The following MCTP1 variants were observed in gnomAD, a reference collection of about 807,000 sequenced individuals.
MCTP1 encodes the protein multiple C2 and transmembrane domain-containing protein 1.
A neutral mutation model predicts 120.6 loss-of-function variants in MCTP1; 69 were observed. That is an observed-to-expected ratio of 0.57 (90% confidence interval 0.47 to 0.70). The LOEUF is 0.70. Ranked by LOEUF, MCTP1 falls within the 30% of genes least tolerant of loss-of-function variation. The pLI is 0.00. For synonymous variants in MCTP1, 529 were observed against 493.1 expected, an observed-to-expected ratio of 1.07 and a Z score of -0.96; for missense variants, 1,203 against 1,248.8, an observed-to-expected ratio of 0.96 and a Z score of 0.55.
intron 19 of MCTP1, among the ~76,000 whole-genome samples, chr5:94,755,021 C>T (rs1199786016): frequency 1.3e-5 from 2 of 152,180 alleles, no homozygotes; most frequent in African/African-American, 4.8e-5. Context: ...TCATGCAGCC[C>T]CAGGGAGGCC....
intron 17 of MCTP1, among the ~76,000 whole-genome samples, chr5:94,841,121 G>A (rs1246334466): frequency 4.6e-5 from 7 of 152,194 alleles, no homozygotes; most frequent in South Asian, 2.1e-4. Context: ...TAAAGGTGAC[G>A]AGTAGGTGTG....
At chr5:94,809,163 G>A (rs1178401837) in intron 17 of MCTP1, among the ~76,000 whole-genome samples, 2 of 151,958 alleles carry the variant, frequency 1.3e-5, no homozygotes, top group Non-Finnish European at 2.9e-5. Context: ...ACTAATCATA[G>A]CATAATGCAC....
At chr5:94,867,275 C>G (rs555148139) in intron 17 of MCTP1, 1 of 1,526,472 alleles carries the variant, frequency 6.6e-7, no homozygotes, top group Admixed American at 2.0e-5. Flanking sequence ...GACAACAACA[C>G]GTCTATGGGA....
chr5:94,917,824 T>G, intron 8 of MCTP1, 72 bp downstream of exon 8: 1 of 1,197,474 alleles, frequency 8.4e-7, no homozygotes, highest in Middle Eastern at 1.9e-4. Context: ...TTCAGTACAG[T>G]AAGTTGGCTC....
intron 2 of MCTP1, among the ~76,000 whole-genome samples, chr5:94,968,933 ATTTTG>A (rs1826182417): frequency 6.6e-6 from 1 of 152,186 alleles, no homozygotes; most frequent in African/African-American, 2.4e-5. Flanking sequence ...TAAAATTCAG[ATTTTG>A]TTATTAATGT....
At chr5:95,019,482 G>C (rs1837784215) in intron 1 of MCTP1, among the ~76,000 whole-genome samples, 1 of 151,840 alleles carries the variant, frequency 6.6e-6, no homozygotes, top group Non-Finnish European at 1.5e-5. Context: ...TTTTTTCCCA[G>C]TGTAGGAATA....
At chr5:94,995,024 A>G (rs1016889484) in intron 2 of MCTP1, among the ~76,000 whole-genome samples, 5 of 152,194 alleles carry the variant, frequency 3.3e-5, no homozygotes, top group Non-Finnish European at 5.9e-5. Context: ...TGGGACTAGG[A>G]CTGGCTTCCT....
At chr5:94,830,529 A>C (rs1210560643) in intron 17 of MCTP1, among the ~76,000 whole-genome samples, 1 of 152,222 alleles carries the variant, frequency 6.6e-6, no homozygotes, top group Non-Finnish European at 1.5e-5. Context: ...CTATCAATTT[A>C]CCAGCTGGAA....
In MCTP1 at chr5:95,058,466, G is replaced by A. The variant is rs529616091; in HGVS notation, c.721-40982C>T. The stretch of plus-strand genomic sequence containing the variant: ...CCTGGGTCTGTACCACACACCTTAC[G>A]ACCTTTGGCAACTCAATCTTTCTGG... On this transcript the variant is annotated intron_variant, in intron 1 of 22. Transcript: ENST00000515393. Among the ~76,000 whole-genome samples, 24 of 152,280 alleles carry A rather than the reference G, an allele frequency of 1.6e-4. 1 individual carries two copies. Among genetic ancestry groups the A allele is most frequent in the African/African-American group, 5.8e-4 (24 of 41,550 alleles).
chr5:94,721,977 T>C (rs987084774), intron 19 of MCTP1, among the ~76,000 whole-genome samples: 1 of 152,026 alleles, frequency 6.6e-6, no homozygotes, highest in African/African-American at 2.4e-5. Context: ...AATGATTCTA[T>C]ACAATATTTC....
chr5:94,793,809 A>G (rs755895056), intron 18 of MCTP1, among the ~76,000 whole-genome samples: 2 of 152,218 alleles, frequency 1.3e-5, no homozygotes, highest in Non-Finnish European at 2.9e-5. Flanking sequence ...TGCTTGATTT[A>G]TAGGAGTTCA....
intron 20 of MCTP1, among the ~76,000 whole-genome samples, chr5:94,713,521 G>T (rs1276021766): frequency 6.6e-6 from 1 of 152,162 alleles, no homozygotes; most frequent in African/African-American, 2.4e-5. Context: ...AGCACACTGT[G>T]TACCCCAGAT....
intron 17 of MCTP1, among the ~76,000 whole-genome samples, chr5:94,846,906 A>C (rs1792517171): frequency 6.6e-6 from 1 of 152,032 alleles, no homozygotes; most frequent in Non-Finnish European, 1.5e-5. Context: ...AGTGGTTCTC[A>C]AAATATGTTC....
intron 17 of MCTP1, among the ~76,000 whole-genome samples, chr5:94,816,138 G>A (rs1456753973): frequency 6.6e-6 from 1 of 152,134 alleles, no homozygotes; most frequent in African/African-American, 2.4e-5. Context: ...TAAATCAGCT[G>A]AAATGTTTTA....
intron 1 of MCTP1, among the ~76,000 whole-genome samples, chr5:95,073,527 A>G (rs1365849674): frequency 3.9e-5 from 6 of 152,210 alleles, no homozygotes; most frequent in African/African-American, 7.2e-5. Context: ...GAGTTCACCT[A>G]CAAAGATCTG....
At chr5:95,115,764 A>G (rs77422301) in intron 1 of MCTP1, among the ~76,000 whole-genome samples, 2,157 of 152,260 alleles carry the variant, frequency 0.014, 18 homozygotes, top group Middle Eastern at 0.024. Flanking sequence ...GAGAAAGATA[A>G]TATCTGAGTA....
chr5:95,174,134 G>A (rs1747688968), intron 1 of MCTP1, among the ~76,000 whole-genome samples: 1 of 152,014 alleles, frequency 6.6e-6, no homozygotes, highest in Non-Finnish European at 1.5e-5. Flanking sequence ...TGCCTTGCTA[G>A]GGGAGGGGCA....
At chr5:95,276,340 C>A (rs1759832673) in intron 1 of MCTP1, among the ~76,000 whole-genome samples, 1 of 136,966 alleles carries the variant, frequency 7.3e-6, no homozygotes, top group Non-Finnish European at 1.5e-5. Flanking sequence ...CTCATTGCAA[C>A]CTCTGCATCC....
chr5:94,847,646 C>CTG (rs70978134), intron 17 of MCTP1, among the ~76,000 whole-genome samples: 2,533 of 115,698 alleles, frequency 0.022, 144 homozygotes, highest in East Asian at 0.22. Flanking sequence ...AAGCAGCAAT[C>CTG]TGTGTGTGTG....
Sources: allele counts gnomAD v4.1 joint callset (sites outside exome capture counted in the v4.1 genomes callset), GRCh38; gene constraint gnomAD v4.1.1; transcripts MANE v1.5; gene names NCBI Gene and HGNC (gene_info 2026-07-23, HGNC 2026-07-21).